The following CAMK2B variants were observed in gnomAD, a reference collection of about 807,000 sequenced individuals.
CAMK2B encodes the protein calcium/calmodulin dependent protein kinase II beta.
CAMK2B carries 27 observed loss-of-function variants against 93.7 expected under a neutral mutation model. The ratio of observed to expected loss-of-function variants is 0.29; its 90% CI spans 0.21 to 0.40. The LOEUF is 0.40. CAMK2B is among the 10% of genes least tolerant of loss of function. The pLI is 1.00. For synonymous variants in CAMK2B, 374 were observed against 358.8 expected (o/e 1.04, Z -0.48); for missense variants, 568 against 895.8 (o/e 0.63, Z 4.67).
chr7:44,239,725 G>C (rs2096658971), intron 12 of CAMK2B, 62 bp from the exon 13 acceptor site: 9 of 1,148,114 alleles, frequency 7.8e-6, no homozygotes, highest in Non-Finnish European at 1.0e-5. Context: ...ACGAGGGGTG[G>C]GCGAGGTAAG....
chr7:44,275,912 G>C (rs573130331), intron 2 of CAMK2B, among the ~76,000 whole-genome samples: 2 of 152,274 alleles, frequency 1.3e-5, no homozygotes, highest in East Asian at 3.9e-4. Flanking sequence ...CTGGGGCAGG[G>C]GAGGGGGCGT....
chr7:44,234,584 G>T, intron 14 of CAMK2B, 55 bp downstream of exon 14: 1 of 1,605,678 alleles, frequency 6.2e-7, no homozygotes, highest in Non-Finnish European at 8.5e-7. Context: ...GGGCGTGGGG[G>T]TGAAGCTGCA....
At chr7:44,259,175 C>T (rs558019730) in intron 3 of CAMK2B, among the ~76,000 whole-genome samples, 1 of 152,320 alleles carries the variant, frequency 6.6e-6, no homozygotes, top group African/African-American at 2.4e-5. Context: ...CCTCAGCTGC[C>T]AGTGCCTCAC....
At chr7:44,277,005 T>G (rs925331421) in intron 2 of CAMK2B, among the ~76,000 whole-genome samples, 3 of 152,184 alleles carry the variant, frequency 2.0e-5, no homozygotes, top group African/African-American at 7.2e-5. Context: ...GCACGGACCC[T>G]GCACCAGGCT....
intron 5 of CAMK2B, 116 bp downstream of exon 5, chr7:44,254,426 G>T: frequency 1.3e-6 from 1 of 772,278 alleles, no homozygotes; most frequent in South Asian, 1.5e-5. Context: ...GGGTGTGGGT[G>T]AGCAGGGATG....
Position 44,229,462 on chromosome 7 carries a change from C to G in CAMK2B, c.1265G>C (p.Gly422Ala). 6.8e-7 allele frequency: 1 copy of G among 1,478,566 alleles called. No individual in the cohort carries two copies. The allele number at this position is 1,478,566 out of a possible 1,614,324, so 91.6% of individuals were successfully genotyped here. Residue 422 changes from glycine (G) to alanine (A), a missense_variant, in exon 18 of 24, where the codon GGC becomes GCC. By Grantham distance (60) the Gly-to-Ala change is moderately conservative. Around this residue, in one of 4 missense-constraint regions of CAMK2B, gnomAD observed 308 missense variants for 292.1 expected, o/e 1.05. Coordinates refer to ENST00000395749, the MANE Select transcript of CAMK2B (RefSeq NM_001220.5). ...VPDILSSVRR[G>A]SGAPEAEGPL... The stretch of plus-strand genomic sequence containing the variant: ...CCCCTCGGCTTCTGGGGCTCCCGAG[C>G]CCCTCCTCACTGAGCTCAGGATGTC...
chr7:44,232,522 C>T (rs79289286), intron 16 of CAMK2B, among the ~76,000 whole-genome samples: 7,625 of 152,260 alleles, frequency 0.05, 656 homozygotes, highest in African/African-American at 0.17. Context: ...CTGCTCCAGA[C>T]CTCAGGAAGC....
At chr7:44,254,462 G>C (rs2096813307) in intron 5 of CAMK2B, 80 bp downstream of exon 5, 7 of 1,032,734 alleles carry the variant, frequency 6.8e-6, no homozygotes, top group Non-Finnish European at 1.1e-5. Flanking sequence ...GGGTTAGAAA[G>C]AGCAGCAGGA....
chr7:44,285,351 CTTGGAGGAAG>C (rs1409772340), intron 1 of CAMK2B, among the ~76,000 whole-genome samples: 2 of 152,198 alleles, frequency 1.3e-5, no homozygotes, highest in East Asian at 1.9e-4. Flanking sequence ...GAAAGGGGGG[CTTGGAGGAAG>C]CCCACCACCA....
In CAMK2B at chr7:44,311,954, G is replaced by C. The variant is rs1422155665; in HGVS notation, c.65+13403C>G. On this transcript the variant is annotated intron_variant, in intron 1 of 23. Coordinates refer to ENST00000395749, the MANE Select transcript of CAMK2B (RefSeq NM_001220.5). This position sits in a 1 kb window ranked among gnomAD's most constrained non-coding sequence, Gnocchi z 4.2. ...TACAACGGGGCCCAAATGAGGCACA[G>C]GCCCATCCTCACCACGGAGTCACGC... is the stretch of plus-strand genomic sequence containing the variant. Among the ~76,000 whole-genome samples, 1 of 152,232 alleles carries C rather than the reference G, an allele frequency of 6.6e-6. No homozygotes were observed. The highest frequency in any genetic ancestry group is 2.4e-5 in the African/African-American group (1 of 41,466).
At chr7:44,314,450 G>A (rs1794365209) in intron 1 of CAMK2B, among the ~76,000 whole-genome samples, 1 of 152,204 alleles carries the variant, frequency 6.6e-6, no homozygotes, top group Non-Finnish European at 1.5e-5. Context: ...ATGTGTCGGT[G>A]CTTATTAGCA....
intron 13 of CAMK2B, among the ~76,000 whole-genome samples, chr7:44,236,287 C>A (rs180683852): frequency 1.3e-5 from 2 of 152,304 alleles, no homozygotes; most frequent in African/African-American, 2.4e-5. Flanking sequence ...GTTGTGCCTG[C>A]GCAGTGGCTG....
chr7:44,242,379 C>T (rs1347413129), intron 9 of CAMK2B, 39 bp from the exon 10 acceptor site: 3 of 1,597,628 alleles, frequency 1.9e-6, no homozygotes, highest in South Asian at 1.1e-5. Flanking sequence ...GCCTGAAGCT[C>T]CCTCTCAGGC....
chr7:44,236,124 G>A (rs2096623758), intron 13 of CAMK2B, among the ~76,000 whole-genome samples: 1 of 152,184 alleles, frequency 6.6e-6, no homozygotes, highest in Non-Finnish European at 1.5e-5. Context: ...CTGACGCTGG[G>A]TGCTCCAGGT....
At chr7:44,253,880 G>A (rs1213786034) in intron 5 of CAMK2B, among the ~76,000 whole-genome samples, 2 of 150,546 alleles carry the variant, frequency 1.3e-5, no homozygotes, top group Non-Finnish European at 2.9e-5. Flanking sequence ...TTACAGGTGT[G>A]AGCTACCATG....
chr7:44,313,000 A>G lies in CAMK2B; in HGVS notation c.65+12357T>C, dbSNP rs964116824. ...CCCAGCTCTGTCGAAGGAGGAGTAC[A>G]GGCTCAGCCACATTAATTTCCAGGG... is the stretch of plus-strand genomic sequence containing the variant. On this transcript the variant is annotated intron_variant, in intron 1 of 23. Transcript: ENST00000395749. The surrounding 1 kb of genome is among the most constrained non-coding windows in gnomAD (Gnocchi z 4.1). Among the ~76,000 whole-genome samples the G allele has an allele frequency of 6.6e-6, 1 of 152,128 alleles. No homozygotes were observed. Among genetic ancestry groups the G allele is most frequent in the Non-Finnish European group, 1.5e-5 (1 of 68,024 alleles).
At chr7:44,237,438 G>A (rs1339548471) in intron 13 of CAMK2B, among the ~76,000 whole-genome samples, 2 of 152,360 alleles carry the variant, frequency 1.3e-5, no homozygotes, top group Middle Eastern at 3.4e-3. Context: ...AGAGCTCTGG[G>A]AAGCCCTGCA....
intron 20 of CAMK2B, among the ~76,000 whole-genome samples, chr7:44,222,569 G>A (rs2096422292): frequency 6.6e-6 from 1 of 152,082 alleles, no homozygotes; most frequent in South Asian, 2.1e-4. Context: ...CCGAGTAGCT[G>A]GAACTACAGG....
At chr7:44,285,676 G>A (rs1485991627) in intron 1 of CAMK2B, among the ~76,000 whole-genome samples, 2 of 151,674 alleles carry the variant, frequency 1.3e-5, no homozygotes, top group African/African-American at 4.8e-5. Flanking sequence ...TTTTCTTAAC[G>A]ACTCAGGTCT....
Sources: gnomAD v4.1 joint callset for allele counts (sites outside exome capture counted in the v4.1 genomes callset) on GRCh38, gnomAD v4.1.1 for gene constraint, gnomAD v4.1.1 regional missense constraint, Gnocchi (gnomAD v3.1) non-coding constraint, MANE v1.5 for transcripts, NCBI Gene and HGNC (gene_info 2026-07-23, HGNC 2026-07-21) for gene names.